The following GOLIM4 variants were observed in gnomAD, a reference collection of about 807,000 sequenced individuals.
The protein encoded by GOLIM4 is golgi integral membrane protein 4, also known as 130 kDa golgi-localized phosphoprotein.
GOLIM4 carries 71 observed loss-of-function variants against 107.4 expected under a neutral mutation model. That is an observed-to-expected ratio of 0.66 (90% CI 0.55 to 0.81). The LOEUF is 0.81. Among genes scored for constraint, GOLIM4 ranks in the 30% least tolerant of loss-of-function variants. GOLIM4 has a pLI of 0.00. For synonymous variants in GOLIM4, 327 were observed against 294.8 expected, an observed-to-expected ratio of 1.11 and a Z score of -1.12; for missense variants, 830 against 826.1, an observed-to-expected ratio of 1.00 and a Z score of -0.06.
At chr3:168,076,046 T>A (rs918730749) in intron 1 of GOLIM4, among the ~76,000 whole-genome samples, 3 of 151,946 alleles carry the variant, frequency 2.0e-5, no homozygotes, top group African/African-American at 7.3e-5. Flanking sequence ...TTGAAAAGAG[T>A]GTTTAAAAGA....
At chr3:168,029,617 TAA>T (rs1209211765) in intron 10 of GOLIM4, among the ~76,000 whole-genome samples, 161 bp downstream of exon 10, 1 of 152,238 alleles carries the variant, frequency 6.6e-6, no homozygotes, top group Non-Finnish European at 1.5e-5. Context: ...TTTTTAAAAT[TAA>T]ATATTTGGTA....
intron 1 of GOLIM4, among the ~76,000 whole-genome samples, chr3:168,089,360 T>C (rs1721783661): frequency 1.3e-5 from 2 of 152,198 alleles, no homozygotes; most frequent in South Asian, 4.1e-4. Context: ...CCCACACTTG[T>C]GGTCTAAATT....
Position 168,029,801 on chromosome 3 carries a change from G to C in GOLIM4, c.1412C>G (p.Pro471Arg). The change falls in exon 10 of 16, where the codon CCG (proline) becomes CGG (arginine). Residue 471 changes from proline to arginine, a missense_variant. Physicochemically the swap from Pro to Arg is moderately radical, Grantham distance 103. Coordinates refer to ENST00000470487, the MANE Select transcript of GOLIM4 (RefSeq NM_014498.5). ...QRQAELEEGRPQHQEQLRQQA... is the reference protein window; with the variant it reads ...QRQAELEEGRRQHQEQLRQQA... ...CTACCGGAGCTGCTCCTGGTGCTGC[G>C]GCCGGCCCTCCTCAAGCTCAGCCTG... 1 of 1,613,746 alleles carries C rather than the reference G, an allele frequency of 6.2e-7. No homozygotes were observed. The highest frequency in any genetic ancestry group is 8.5e-7 in the Non-Finnish European group (1 of 1,179,994).
At chr3:168,013,946 C>T (rs1358526373) in intron 14 of GOLIM4, among the ~76,000 whole-genome samples, 4 of 149,634 alleles carry the variant, frequency 2.7e-5, no homozygotes, top group Non-Finnish European at 4.4e-5. Flanking sequence ...AGGAAAGATC[C>T]AAAATTGACA....
intron 1 of GOLIM4, among the ~76,000 whole-genome samples, chr3:168,057,588 C>T (rs1009409437): frequency 5.3e-5 from 8 of 152,252 alleles, no homozygotes; most frequent in East Asian, 1.9e-4. Flanking sequence ...GGAAACCACC[C>T]CCATGATCCA....
intron 14 of GOLIM4, among the ~76,000 whole-genome samples, chr3:168,018,622 G>A (rs115464708): frequency 0.014 from 2,056 of 152,166 alleles, 57 homozygotes; most frequent in African/African-American, 0.046. Context: ...GCCCATAGTC[G>A]TAGAACCTCA....
At position 168,095,411 on chromosome 3, in the gene GOLIM4, A is replaced by C; in HGVS notation, c.-126T>G. 2 of 756,238 alleles carry C rather than the reference A, an allele frequency of 2.6e-6. No individual in the cohort carries two copies. Among genetic ancestry groups the C allele is most frequent in the Non-Finnish European group, 2.1e-6 (1 of 481,296 alleles). The allele number at this position is 756,238 out of a possible 1,614,324, so 46.8% of individuals were successfully genotyped here. ...AGCATGAGGAGGAGATGCCAGACAC[A>C]AAAGCCGGCCCGGAGGGGAAGTGGC... On this transcript the variant is annotated 5_prime_UTR_variant, in exon 1 of 16. Transcript: ENST00000470487.
chr3:168,038,043 C>T (rs1175504795), intron 7 of GOLIM4, among the ~76,000 whole-genome samples: 2 of 152,206 alleles, frequency 1.3e-5, no homozygotes, highest in Non-Finnish European at 2.9e-5. Flanking sequence ...TGGCACACTG[C>T]TCTTCCACCC....
At chr3:168,037,246 C>T (rs1718707899) in intron 7 of GOLIM4, among the ~76,000 whole-genome samples, 1 of 152,086 alleles carries the variant, frequency 6.6e-6, no homozygotes, top group Admixed American at 6.5e-5. Flanking sequence ...CCATACTACA[C>T]TGAAGTCAGA....
In GOLIM4 at chr3:168,010,049, T is replaced by A. The variant is rs1386209946; in HGVS notation, c.*220A>T. On this transcript the variant is annotated 3_prime_UTR_variant, in exon 16 of 16. Transcript: ENST00000470487. ...GGGCTCAGGTTTACTTTATTGTTTT[T>A]CTTCTTTTTCATGTTTAGCTTGAAT... 2.6e-6 allele frequency: 1 copy of A among 386,236 alleles called. No individual in the cohort carries two copies. Among genetic ancestry groups the A allele is most frequent in the East Asian group, 4.0e-5 (1 of 24,986 alleles). 23.9% of individuals were successfully genotyped at this position (386,236 alleles called of 1,614,324 possible).
Position 168,009,646 on chromosome 3 carries a change from A to C in GOLIM4, c.*623T>G, listed in dbSNP as rs1577493252. On this transcript the variant is annotated 3_prime_UTR_variant, in exon 16 of 16. Coordinates refer to ENST00000470487, the MANE Select transcript of GOLIM4 (RefSeq NM_014498.5). ...TTTAAATTCAATTCCTCTTAAACAG[A>C]ACAGCTATGATTTTAAAGCAATGAC... 1.3e-5 allele frequency: 2 copies of C among 152,208 alleles called. No individual in the cohort carries two copies. The highest frequency in any genetic ancestry group is 4.8e-5 in the African/African-American group (2 of 41,452). 9.4% of individuals were successfully genotyped at this position (152,208 alleles called of 1,614,324 possible).
chr3:168,025,693 C>CAG (rs1304104701), intron 12 of GOLIM4, among the ~76,000 whole-genome samples: 1 of 152,112 alleles, frequency 6.6e-6, no homozygotes, highest in Non-Finnish European at 1.5e-5. Flanking sequence ...TCCCATGAAA[C>CAG]AGAGAGATGC....
intron 14 of GOLIM4, among the ~76,000 whole-genome samples, chr3:168,024,012 G>A (rs1468028946): frequency 6.6e-6 from 1 of 152,090 alleles, no homozygotes; most frequent in African/African-American, 2.4e-5. Context: ...CTCTTTTATT[G>A]TTAAATTTAA....
chr3:168,038,336 T>C (rs2108239561), intron 7 of GOLIM4, among the ~76,000 whole-genome samples: 1 of 152,314 alleles, frequency 6.6e-6, no homozygotes, highest in South Asian at 2.1e-4. Context: ...ACATAATCTT[T>C]GAAGGCAGTA....
In GOLIM4 at chr3:168,051,584, C is replaced by T. The variant is rs191598168; in HGVS notation, c.188-3219G>A. On this transcript the variant is annotated intron_variant, in intron 1 of 15. Coordinates refer to ENST00000470487, the MANE Select transcript of GOLIM4 (RefSeq NM_014498.5). ...TGGCATCATAATAGCAAACTGTTAA[C>T]GCAAGAAGAATGTATTTTTGCAAAT... is the stretch of plus-strand genomic sequence containing the variant. Among the ~76,000 whole-genome samples the T allele has an allele frequency of 6.4e-4, 97 of 152,054 alleles. 1 individual carries two copies. The highest frequency in any genetic ancestry group is 2.2e-3 in the African/African-American group (91 of 41,486).
chr3:168,029,390 T>C, intron 10 of GOLIM4, 88 bp from the exon 11 acceptor site: 3 of 801,736 alleles, frequency 3.7e-6, no homozygotes, highest in Non-Finnish European at 6.0e-6. Context: ...AAGACAGTAA[T>C]AAGTAATGTT....
At chr3:168,036,159 C>G (rs906386729) in intron 8 of GOLIM4, among the ~76,000 whole-genome samples, 10 of 152,178 alleles carry the variant, frequency 6.6e-5, no homozygotes, top group African/African-American at 2.2e-4. Context: ...CGCAAAATCC[C>G]CAACCTTGAA....
chr3:168,016,484 C>T (rs1400159612), intron 14 of GOLIM4, among the ~76,000 whole-genome samples: 5 of 132,216 alleles, frequency 3.8e-5, no homozygotes, highest in Non-Finnish European at 4.4e-5. Context: ...GTCAGTGTGG[C>T]GATTCCTCAG....
At chr3:168,034,713 G>A (rs1718536808) in intron 8 of GOLIM4, among the ~76,000 whole-genome samples, 1 of 152,154 alleles carries the variant, frequency 6.6e-6, no homozygotes, top group Non-Finnish European at 1.5e-5. Flanking sequence ...CGTGTTGTGG[G>A]AAGAACCCGG....
Sources: allele counts gnomAD v4.1 joint callset (sites outside exome capture counted in the v4.1 genomes callset), GRCh38; gene constraint gnomAD v4.1.1; transcripts MANE v1.5; gene names NCBI Gene and HGNC (gene_info 2026-07-23, HGNC 2026-07-21).